PRDM16: variants seen among roughly 807,000 people sequenced by gnomAD.
PRDM16 encodes histone-lysine N-methyltransferase PRDM16.
PRDM16 carries 23 observed loss-of-function variants against 110.6 expected under a neutral mutation model. The observed-to-expected ratio is 0.21, with a 90% CI of 0.15 to 0.29. The LOEUF is 0.29. Ranked by LOEUF, PRDM16 falls within the 10% of genes least tolerant of loss-of-function variation. The pLI is 1.00. For missense variants in PRDM16, 1,615 were observed against 1,794.3 expected, an observed-to-expected ratio of 0.90 and a Z score of 1.81; for synonymous variants, 799 against 781.8, an observed-to-expected ratio of 1.02 and a Z score of -0.37.
intron 3 of PRDM16, among the ~76,000 whole-genome samples, chr1:3,282,458 C>T (rs993592821): frequency 1.3e-4 from 20 of 152,302 alleles, no homozygotes; most frequent in Admixed American, 8.5e-4. Context: ...CGCCGCAGGG[C>T]CCCCTGGTTT....
rs541306513 is a variant in PRDM16, at chr1:3,426,163, G to A, written c.3222G>A (p.Ser1074=). Residue 1074 remains serine (S), a synonymous_variant, in exon 14 of 17, where the codon TCG becomes TCA. Coordinates refer to ENST00000270722, the MANE Select transcript of PRDM16 (RefSeq NM_022114.4). ...ACGAGAAAGAAGACTCTTATTTCTC[G>A]GAAATCAGAAACTTTATTGCCAATA... ...LLDEKEDSYF[S]EIRNFIANSE... 36 of 1,613,872 alleles carry A rather than the reference G, an allele frequency of 2.2e-5. 1 individual carries two copies. Among genetic ancestry groups the A allele is most frequent in the Middle Eastern group, 3.3e-4 (2 of 6,062 alleles).
chr1:3,112,020 T>C (rs907720203), intron 1 of PRDM16, among the ~76,000 whole-genome samples: 4 of 152,058 alleles, frequency 2.6e-5, no homozygotes, highest in East Asian at 1.9e-4. Flanking sequence ...GTGCGGATAA[T>C]TGGGGGGCTG....
chr1:3,335,641 A>ACACACACACACACC (rs763183715), intron 3 of PRDM16, among the ~76,000 whole-genome samples: 108 of 146,506 alleles, frequency 7.4e-4, no homozygotes, highest in East Asian at 3.2e-3. Context: ...ACACACACAC[A>ACACACACACACACC]CCCTTGGACA....
At chr1:3,226,432 C>A (rs1639290420) in intron 2 of PRDM16, among the ~76,000 whole-genome samples, 1 of 152,182 alleles carries the variant, frequency 6.6e-6, no homozygotes, top group Non-Finnish European at 1.5e-5. Flanking sequence ...GAGCATCTGG[C>A]CCCATCTTGG....
At chr1:3,133,967 AAGG>A (rs1475606032) in intron 1 of PRDM16, among the ~76,000 whole-genome samples, 2 of 152,212 alleles carry the variant, frequency 1.3e-5, no homozygotes, top group African/African-American at 4.8e-5. Context: ...CACGTGTGAG[AAGG>A]AGGCTAGAGT....
At chr1:3,424,670 G>T (rs900060427) in intron 12 of PRDM16, among the ~76,000 whole-genome samples, 1 of 152,258 alleles carries the variant, frequency 6.6e-6, no homozygotes, top group African/African-American at 2.4e-5. Context: ...CCAACAAGTG[G>T]CAACATCCAG....
intron 3 of PRDM16, among the ~76,000 whole-genome samples, chr1:3,305,563 AC>A (rs1216009420): frequency 6.6e-6 from 1 of 152,218 alleles, no homozygotes; most frequent in African/African-American, 2.4e-5. Flanking sequence ...GTTGGCTGAA[AC>A]TTGTTATTCG....
intron 1 of PRDM16, among the ~76,000 whole-genome samples, chr1:3,161,665 A>G (rs555412347): frequency 2.9e-4 from 44 of 152,352 alleles, no homozygotes; most frequent in Non-Finnish European, 4.3e-4. Context: ...GAGGCCGGTC[A>G]GCAGAGAGGG....
intron 1 of PRDM16, among the ~76,000 whole-genome samples, chr1:3,179,737 C>G (rs1422813024): frequency 6.6e-6 from 1 of 152,242 alleles, no homozygotes; most frequent in Non-Finnish European, 1.5e-5. Context: ...CCGCCTTGCC[C>G]TGCTCACCAG....
At chr1:3,266,881 T>C (rs1487117662) in intron 3 of PRDM16, among the ~76,000 whole-genome samples, 3 of 152,170 alleles carry the variant, frequency 2.0e-5, no homozygotes, top group African/African-American at 7.2e-5. Context: ...TTTTGCCGTG[T>C]TGTCCAGGCT....
intron 3 of PRDM16, among the ~76,000 whole-genome samples, chr1:3,374,670 C>T (rs1642962298): frequency 6.6e-6 from 1 of 152,184 alleles, no homozygotes; most frequent in Non-Finnish European, 1.5e-5. Flanking sequence ...CAAGCGGAGG[C>T]AGAGGCATTC....
intron 1 of PRDM16, among the ~76,000 whole-genome samples, chr1:3,138,489 C>T (rs1643483555): frequency 6.6e-6 from 1 of 152,220 alleles, no homozygotes; most frequent in Admixed American, 6.5e-5. Context: ...CTTTCCTGTG[C>T]TTATGAGTGA....
chr1:3,394,385 A>G (rs891832561), intron 4 of PRDM16: 10 of 437,170 alleles, frequency 2.3e-5, no homozygotes, highest in Non-Finnish European at 4.1e-5. Flanking sequence ...CCGTCCGCCC[A>G]CCCAGCCCTC....
At chr1:3,424,102 C>T (rs970018333) in intron 12 of PRDM16, among the ~76,000 whole-genome samples, 11 of 152,194 alleles carry the variant, frequency 7.2e-5, no homozygotes, top group African/African-American at 1.9e-4. Flanking sequence ...AAGCCAGTCC[C>T]AGCCCCCCGC....
rs1212221884 is a variant in PRDM16, at chr1:3,157,257, A to G, written c.38-28868A>G. Among the ~76,000 whole-genome samples, 2 of 152,194 alleles carry G rather than the reference A, an allele frequency of 1.3e-5. No individual in the cohort carries two copies. The highest frequency in any genetic ancestry group is 2.4e-5 in the African/African-American group (1 of 41,452). ...TGGCCAGATCCGGCAGATGAAATCCAGGACACCCAGTTCAATTTGAATTTC... is the reference window on the plus strand; with the variant it reads ...TGGCCAGATCCGGCAGATGAAATCCGGGACACCCAGTTCAATTTGAATTTC... On this transcript the variant is annotated intron_variant, in intron 1 of 16. Transcript: ENST00000270722. This position sits in a 1 kb window ranked among gnomAD's most constrained non-coding sequence, Gnocchi z 4.8.
intron 1 of PRDM16, among the ~76,000 whole-genome samples, chr1:3,121,911 T>C (rs1643102734): frequency 6.6e-6 from 1 of 152,146 alleles, no homozygotes; most frequent in Admixed American, 6.5e-5. Flanking sequence ...GAGTGAAACA[T>C]CTTGAAAAAG....
At chr1:3,070,733 C>T (rs1641734663) in intron 1 of PRDM16, among the ~76,000 whole-genome samples, 1 of 152,082 alleles carries the variant, frequency 6.6e-6, no homozygotes, top group South Asian at 2.1e-4. Flanking sequence ...TCCCTCGGCT[C>T]GGGGCCCGCC....
intron 1 of PRDM16, among the ~76,000 whole-genome samples, chr1:3,149,157 T>TG (rs1643731491): frequency 1.3e-5 from 2 of 150,274 alleles, no homozygotes; most frequent in Non-Finnish European, 3.0e-5. Flanking sequence ...AGCCTGGGGG[T>TG]GGGGGGCATG....
intron 1 of PRDM16, among the ~76,000 whole-genome samples, chr1:3,073,690 C>T (rs1319462697): frequency 6.6e-6 from 1 of 152,106 alleles, no homozygotes; most frequent in Non-Finnish European, 1.5e-5. Context: ...CCGGGCCGGC[C>T]GGTAGTCTCG....
Sources: allele counts gnomAD v4.1 joint callset (sites outside exome capture counted in the v4.1 genomes callset), GRCh38; gene constraint gnomAD v4.1.1; non-coding constraint Gnocchi (gnomAD v3.1); transcripts MANE v1.5; gene names NCBI Gene and HGNC (gene_info 2026-07-23, HGNC 2026-07-21).